Variants in CDHR4 observed in about 807,000 individuals in gnomAD.
CDHR4 encodes cadherin-related family member 4.
CDHR4 carries 89 observed loss-of-function variants against 88.4 expected under a neutral mutation model. That is an observed-to-expected ratio of 1.01 (90% CI 0.85 to 1.20). The LOEUF is 1.20. Ranked by LOEUF, CDHR4 falls within the 50% of genes most tolerant of loss-of-function variation. CDHR4 has a pLI of 0.00. For missense variants in CDHR4, 914 were observed against 1,007.2 expected, an observed-to-expected ratio of 0.91 and a Z score of 1.25; for synonymous variants, 368 against 399.2, an observed-to-expected ratio of 0.92 and a Z score of 0.93.
In CDHR4 at chr3:49,798,890, G is replaced by A. The variant is rs1478857438; in HGVS notation, c.431C>T (p.Thr144Ile). The A allele has an allele frequency of 1.2e-6, 2 of 1,613,718 alleles. No individual in the cohort carries two copies. The highest frequency in any genetic ancestry group is 1.7e-6 in the Non-Finnish European group (2 of 1,179,858). The change falls in exon 4 of 19, where the codon ACA becomes ATA. Residue 144 changes from threonine to isoleucine, a missense_variant. Transcript: ENST00000412678. ...GTACAGCCGAGCCCCAGGTGTGACT[G>A]TCTCTGGCACCTGAATCATTTCCCC... ...PAGEMIQVPETVTPGARLYTL... is the reference protein window; with the variant it reads ...PAGEMIQVPEIVTPGARLYTL...
In CDHR4 at chr3:49,795,701, G is replaced by A. The variant is rs1489938362; in HGVS notation, c.774C>T (p.Val258=). 1.3e-6 allele frequency: 2 copies of A among 1,551,532 alleles called. No homozygotes were observed. Among genetic ancestry groups the A allele is most frequent in the African/African-American group, 1.4e-5 (1 of 73,024 alleles). The change falls in exon 7 of 19, where the codon GTC becomes GTT. Residue 258 remains valine (V), a synonymous_variant. Coordinates refer to ENST00000412678, the MANE Select transcript of CDHR4 (RefSeq NM_001007540.4). The surrounding 1 kb of genome is among the most constrained non-coding windows in gnomAD (Gnocchi z 5.4). ...NLAPGSEVVQ[V]QARGVDLRYE... ...AGCGCAGGTCGACACCCCGGGCCTG[G>A]ACCTGAACCACCTCACTACCGGGGG...
In CDHR4 at chr3:49,795,394, A is replaced by G; in HGVS notation, c.848-15T>C. On this transcript the variant is annotated splice_polypyrimidine_tract_variant and intron_variant, in intron 7 of 18. Transcript: ENST00000412678. This position sits in a 1 kb window ranked among gnomAD's most constrained non-coding sequence, Gnocchi z 5.4. ...CACACCGTCTGCTGCATGGGGTGAG[A>G]GAACACAGAGGTCAGGGGTCAGGGA... 6.5e-7 allele frequency: 1 copy of G among 1,548,686 alleles called. No individual in the cohort carries two copies. The highest frequency in any genetic ancestry group is 1.2e-5 in the South Asian group (1 of 83,976).
In CDHR4 at chr3:49,794,708, A is replaced by T; in HGVS notation, c.1186-7T>A. 6.5e-7 allele frequency: 1 copy of T among 1,549,344 alleles called. No individual in the cohort carries two copies. Among genetic ancestry groups the T allele is most frequent in the South Asian group, 1.2e-5 (1 of 83,790 alleles). On this transcript the variant is annotated splice_polypyrimidine_tract_variant and splice_region_variant and intron_variant, in intron 9 of 18. Coordinates refer to ENST00000412678, the MANE Select transcript of CDHR4 (RefSeq NM_001007540.4). ...AGTCCAGTGTGGCATTCACCTAGCC[A>T]AAGGGGCTAGAAAGTGAGGTCCAGC...
chr3:49,798,558 A>T, intron 4 of CDHR4: 1 of 498,478 alleles, frequency 2.0e-6, no homozygotes, highest in Non-Finnish European at 3.5e-6. Flanking sequence ...ACTGCACTCC[A>T]GCCTGGACGA....
chr3:49,800,983 T>C (rs916398579), upstream of CDHR4, among the ~76,000 whole-genome samples: 1 of 151,364 alleles, frequency 6.6e-6, no homozygotes, highest in Admixed American at 6.6e-5. Flanking sequence ...GCCCCAGAGA[T>C]GGAGGCTGCA....
Position 49,795,558 on chromosome 3 carries a change from A to T in CDHR4, c.847+70T>A. ...CCCCCAAACAGGAAGGTGAAGAGGT[A>T]CTATGGGTCACCTCTGGACCAGCCA... On this transcript the variant is annotated intron_variant, in intron 7 of 18. Coordinates refer to ENST00000412678, the MANE Select transcript of CDHR4 (RefSeq NM_001007540.4). This position sits in a 1 kb window ranked among gnomAD's most constrained non-coding sequence, Gnocchi z 5.4. 2 of 1,534,978 alleles carry T rather than the reference A, an allele frequency of 1.3e-6. No homozygotes were observed. The highest frequency in any genetic ancestry group is 1.8e-6 in the Non-Finnish European group (2 of 1,135,468).
At position 49,799,340 on chromosome 3, in the gene CDHR4, G is replaced by C. The variant is rs1289734563; in HGVS notation, c.147C>G (p.Pro49=). The C allele has an allele frequency of 6.2e-7, 1 of 1,613,682 alleles. No homozygotes were observed. The highest frequency in any genetic ancestry group is 8.5e-7 in the Non-Finnish European group (1 of 1,179,824). The change falls in exon 2 of 19, where the codon CCC becomes CCG. Residue 49 remains proline, a synonymous_variant. Coordinates refer to ENST00000412678, the MANE Select transcript of CDHR4 (RefSeq NM_001007540.4). ...FLSFNCSSYT[P]TPTLELLNVQ... ...CATTGAGCAACTCCAGGGTGGGTGT[G>C]GGCGTGTAGGAGGAGCAGTTGAAGG... is the stretch of plus-strand genomic sequence containing the variant.
intron 18 of CDHR4, 95 bp downstream of exon 18, chr3:49,791,346 T>G (rs1575339394): frequency 5.3e-6 from 7 of 1,323,322 alleles, no homozygotes; most frequent in African/African-American, 3.0e-5. Flanking sequence ...TTCCTGGGAG[T>G]AGGAGGAGAT....
chr3:49,790,775 A>T lies in CDHR4; in HGVS notation c.*57T>A. 7.1e-7 allele frequency: 1 copy of T among 1,398,768 alleles called. No individual in the cohort carries two copies. Among genetic ancestry groups the T allele is most frequent in the Non-Finnish European group, 9.7e-7 (1 of 1,030,142 alleles). 86.6% of individuals were successfully genotyped at this position (1,398,768 alleles called of 1,614,324 possible). ...GTTTATTATGAATCAACTTGAAAAT[A>T]CAGCCCATGATGGTGTGAAAAAGAA... On this transcript the variant is annotated 3_prime_UTR_variant, in exon 19 of 19. Transcript: ENST00000412678.
chr3:49,791,972 GAGGAGTAACGA>G lies in CDHR4; in HGVS notation c.2139-24_2139-14del. 6.4e-7 allele frequency: 1 copy of G among 1,551,520 alleles called. No individual in the cohort carries two copies. Among genetic ancestry groups the G allele is most frequent in the Non-Finnish European group, 8.7e-7 (1 of 1,146,984 alleles). ...CAGCTGGGCCAACCTAAAATGCCAG[GAGGAGTAACGA>G]AGCAGTGAGGGCAGCAGGCCTACTG... On this transcript the variant is annotated splice_polypyrimidine_tract_variant and intron_variant, in intron 15 of 18. Coordinates refer to ENST00000412678, the MANE Select transcript of CDHR4 (RefSeq NM_001007540.4).
At chr3:49,799,587 C>A in intron 1 of CDHR4, 150 bp from the exon 2 acceptor site, 1 of 1,126,394 alleles carries the variant, frequency 8.9e-7, no homozygotes, top group Non-Finnish European at 1.3e-6. Context: ...CAGCATTTCA[C>A]AGATGGGGAG....
intron 1 of CDHR4, 128 bp from the exon 2 acceptor site, chr3:49,799,565 G>T: frequency 3.4e-6 from 4 of 1,163,588 alleles, no homozygotes; most frequent in Non-Finnish European, 4.8e-6. Context: ...GCCTTTCCTT[G>T]TATCCAGCAT....
intron 17 of CDHR4, 38 bp downstream of exon 17, chr3:49,791,676 C>CCTTGGTGTCCACTACT: frequency 6.5e-7 from 1 of 1,548,996 alleles, no homozygotes; most frequent in Non-Finnish European, 8.7e-7. Flanking sequence ...TCTGAAGCAC[C>CCTTGGTGTCCACTACT]CTTGGTGTCC....
At chr3:49,796,628 G>C (rs2081274607) in intron 5 of CDHR4, among the ~76,000 whole-genome samples, 1 of 152,196 alleles carries the variant, frequency 6.6e-6, no homozygotes, top group South Asian at 2.1e-4. Context: ...GTGAGCCACT[G>C]TGCCTGGCCA....
chr3:49,802,290 C>T (rs2081372031), upstream of CDHR4, among the ~76,000 whole-genome samples: 1 of 152,188 alleles, frequency 6.6e-6, no homozygotes, highest in Admixed American at 6.5e-5. Flanking sequence ...TCTCCTGCCT[C>T]AGCCTCAGGA....
At chr3:49,794,397 C>CAA (rs796273248) in intron 10 of CDHR4, among the ~76,000 whole-genome samples, 1 of 133,284 alleles carries the variant, frequency 7.5e-6, no homozygotes, top group Non-Finnish European at 1.6e-5. Flanking sequence ...AACTCCGTCT[C>CAA]AAAAAAAAAA....
chr3:49,795,847 G>A lies in CDHR4; in HGVS notation c.711-83C>T, dbSNP rs1159295090. The A allele has an allele frequency of 1.3e-6, 2 of 1,529,818 alleles. No individual in the cohort carries two copies. Among genetic ancestry groups the A allele is most frequent in the Admixed American group, 4.0e-5 (2 of 50,120 alleles). The allele number at this position is 1,529,818 out of a possible 1,614,324, so 94.8% of individuals were successfully genotyped here. A position where few individuals can be genotyped will look rare whatever the true frequency, so the allele number is the denominator to read the frequency against. On this transcript the variant is annotated intron_variant, in intron 6 of 18. Coordinates refer to ENST00000412678, the MANE Select transcript of CDHR4 (RefSeq NM_001007540.4). The surrounding 1 kb of genome is among the most constrained non-coding windows in gnomAD (Gnocchi z 5.4). ...AGCTTCCTTCCCTGGGCCCCCTCCT[G>A]TCAGGGCTGGGACTCAGCTCCAGCA...
At chr3:49,794,890 C>A in intron 9 of CDHR4, 57 bp downstream of exon 9, 2 of 1,546,798 alleles carry the variant, frequency 1.3e-6, no homozygotes, top group African/African-American at 2.7e-5. Flanking sequence ...CTTGGCCCAC[C>A]CACCCCTTCC....
In CDHR4 at chr3:49,798,851, G is replaced by A. The variant is rs2081314639; in HGVS notation, c.470C>T (p.Pro157Leu). Reference protein sequence around the residue: ...PGARLYTLLLPGLELHGAQMS... With the variant: ...PGARLYTLLLLGLELHGAQMS... ...CTGCGCTCCGTGGAGTTCTAGGCCTGGGAGGAGCAGAGTGTACAGCCGAGC... is the reference window on the plus strand; with the variant it reads ...CTGCGCTCCGTGGAGTTCTAGGCCTAGGAGGAGCAGAGTGTACAGCCGAGC... The change falls in exon 4 of 19, where the codon CCA becomes CTA. Residue 157 changes from proline to leucine, a missense_variant. By Grantham distance (98) the Pro-to-Leu change is moderately conservative. Transcript: ENST00000412678. 21 of 1,613,920 alleles carry A rather than the reference G, an allele frequency of 1.3e-5. No individual in the cohort carries two copies. The highest frequency in any genetic ancestry group is 1.6e-5 in the Non-Finnish European group (19 of 1,179,876).
Sources: allele counts gnomAD v4.1 joint callset (sites outside exome capture counted in the v4.1 genomes callset), GRCh38; gene constraint gnomAD v4.1.1; non-coding constraint Gnocchi (gnomAD v3.1); transcripts MANE v1.5; gene names NCBI Gene and HGNC (gene_info 2026-07-23, HGNC 2026-07-21).